Variants in ZCCHC14 observed in about 807,000 individuals in gnomAD.
The protein encoded by ZCCHC14 is zinc finger CCHC domain-containing protein 14.
In ZCCHC14, 16 loss-of-function variants were observed where a neutral mutation model predicts 85.0. The observed-to-expected ratio is 0.19, with a 90% CI of 0.13 to 0.29. The LOEUF (loss-of-function observed/expected upper bound fraction) is 0.29. ZCCHC14 is among the 10% of genes least tolerant of loss of function. The pLI is 1.00. For synonymous variants in ZCCHC14, 775 were observed against 630.7 expected (o/e 1.23, Z -3.43); for missense variants, 1,303 against 1,443.5 (o/e 0.90, Z 1.58).
intron 12 of ZCCHC14, among the ~76,000 whole-genome samples, chr16:87,410,618 G>A (rs149118455): frequency 5.3e-5 from 8 of 152,352 alleles, no homozygotes; most frequent in Admixed American, 3.9e-4. Context: ...CAGGCGGGCT[G>A]CTCTAACATG....
At chr16:87,439,924 C>T (rs771636433) in intron 2 of ZCCHC14, among the ~76,000 whole-genome samples, 63 of 152,286 alleles carry the variant, frequency 4.1e-4, no homozygotes, top group Middle Eastern at 3.4e-3. Context: ...TTAATTAAAA[C>T]GAACCAAACA....
chr16:87,480,384 C>T (rs1912214104), intron 1 of ZCCHC14, among the ~76,000 whole-genome samples: 1 of 151,818 alleles, frequency 6.6e-6, no homozygotes, highest in Admixed American at 6.6e-5. Flanking sequence ...GCCTGGGCGA[C>T]AGAGCGAGAC....
At chr16:87,419,302 A>G (rs1419122841) in intron 6 of ZCCHC14, among the ~76,000 whole-genome samples, 2 of 141,646 alleles carry the variant, frequency 1.4e-5, no homozygotes, top group Non-Finnish European at 3.1e-5. Flanking sequence ...CTAATTTTGT[A>G]TTTTTATTTT....
chr16:87,483,007 G>C (rs1343432274), intron 1 of ZCCHC14, among the ~76,000 whole-genome samples: 1 of 151,524 alleles, frequency 6.6e-6, no homozygotes, highest in African/African-American at 2.4e-5. Context: ...ACAAAACCCA[G>C]AAGCCATACC....
rs779478163 is a variant in ZCCHC14, at chr16:87,412,151, A to G, written c.2570T>C (p.Met857Thr). 6.2e-7 allele frequency: 1 copy of G among 1,614,028 alleles called. No homozygotes were observed. The highest frequency in any genetic ancestry group is 1.1e-5 in the South Asian group (1 of 91,082). ...GGCTGGGCAGCTGGGCAACGTGGCC[A>G]TGTTGGCAAAGGACGTGGAGGGGTG... ...SSHPSTSFAN[M>T]ATLPSCPAPS... is the part of the protein sequence containing the mutation. Residue 857 changes from methionine (M) to threonine (T), a missense_variant, in exon 12 of 13, where the codon ATG (methionine) becomes ACG (threonine). Met to Thr is a moderately conservative substitution (Grantham distance 81, BLOSUM62 -1). Coordinates refer to ENST00000671377, the MANE Select transcript of ZCCHC14 (RefSeq NM_015144.3).
intron 3 of ZCCHC14, among the ~76,000 whole-genome samples, chr16:87,427,516 G>C (rs1021174409): frequency 6.6e-6 from 1 of 152,080 alleles, no homozygotes; most frequent in Non-Finnish European, 1.5e-5. Flanking sequence ...GGGTTTAAGC[G>C]ATCCTTGTGC....
chr16:87,414,611 A>G, intron 9 of ZCCHC14, 70 bp from the exon 10 acceptor site: 2 of 1,533,416 alleles, frequency 1.3e-6, no homozygotes, highest in Non-Finnish European at 1.8e-6. Context: ...CGGCTTCAAG[A>G]CGGGTCTACT....
Position 87,491,451 on chromosome 16 carries a change from G to C in ZCCHC14, c.570+218C>G, listed in dbSNP as rs1051772944. Among the ~76,000 whole-genome samples, 35 of 152,224 alleles carry C rather than the reference G, an allele frequency of 2.3e-4. No homozygotes were observed. The highest frequency in any genetic ancestry group is 8.2e-4 in the African/African-American group (34 of 41,540). ...GCTTGGGATGTACGGTGGAGGCTTGGAGAGGTGGGGCACACATTTGGGGTG... is the reference window on the plus strand; with the variant it reads ...GCTTGGGATGTACGGTGGAGGCTTGCAGAGGTGGGGCACACATTTGGGGTG... On this transcript the variant is annotated intron_variant, in intron 1 of 12. Coordinates refer to ENST00000671377, the MANE Select transcript of ZCCHC14 (RefSeq NM_015144.3). The surrounding 1 kb of genome is among the most constrained non-coding windows in gnomAD (Gnocchi z 5.9).
chr16:87,451,895 A>G (rs991286049), intron 2 of ZCCHC14, among the ~76,000 whole-genome samples: 3 of 152,210 alleles, frequency 2.0e-5, no homozygotes, highest in African/African-American at 7.2e-5. Flanking sequence ...GAAATGTGAT[A>G]CTTTCTAGCT....
intron 12 of ZCCHC14, among the ~76,000 whole-genome samples, chr16:87,411,117 A>G (rs867013772): frequency 7.2e-5 from 11 of 152,216 alleles, no homozygotes; most frequent in South Asian, 4.1e-4. Flanking sequence ...GCCGGCAGGG[A>G]GGGGCAGAGG....
chr16:87,443,848 C>T (rs1384888319), intron 2 of ZCCHC14, among the ~76,000 whole-genome samples: 2 of 152,000 alleles, frequency 1.3e-5, no homozygotes, highest in Non-Finnish European at 2.9e-5. Context: ...ACCAGCCTGG[C>T]CAAAATGGGG....
At chr16:87,410,558 A>G (rs904674402) in intron 12 of ZCCHC14, among the ~76,000 whole-genome samples, 1 of 152,218 alleles carries the variant, frequency 6.6e-6, no homozygotes. Flanking sequence ...GGAAAAGTTC[A>G]CCATCTTTTT....
rs1912748513 is a variant in ZCCHC14, at chr16:87,491,274, G to C, written c.570+395C>G. On this transcript the variant is annotated intron_variant, in intron 1 of 12. Coordinates refer to ENST00000671377, the MANE Select transcript of ZCCHC14 (RefSeq NM_015144.3). The surrounding 1 kb of genome is among the most constrained non-coding windows in gnomAD (Gnocchi z 5.9). ...TGCCCAAGGGGCGCGAGGCGGAGGT[G>C]TGGAGGCTTTGGGGCACGCAGAGGG... Among the ~76,000 whole-genome samples, 1 of 152,246 alleles carries C rather than the reference G, an allele frequency of 6.6e-6. No homozygotes were observed. Among genetic ancestry groups the C allele is most frequent in the Non-Finnish European group, 1.5e-5 (1 of 68,046 alleles).
intron 1 of ZCCHC14, among the ~76,000 whole-genome samples, chr16:87,482,246 G>A (rs1912314298): frequency 6.6e-6 from 1 of 152,156 alleles, no homozygotes; most frequent in Non-Finnish European, 1.5e-5. Context: ...GAGCCTTTAG[G>A]TTTTTTGGAC....
intron 4 of ZCCHC14, among the ~76,000 whole-genome samples, chr16:87,423,506 G>T (rs903319953): frequency 1.3e-5 from 2 of 152,198 alleles, no homozygotes; most frequent in Non-Finnish European, 2.9e-5. Flanking sequence ...AGGAAACCTG[G>T]GGGACTGAAA....
chr16:87,459,978 C>A (rs139039884), intron 2 of ZCCHC14, 30 bp downstream of exon 2: 6 of 1,613,752 alleles, frequency 3.7e-6, no homozygotes, highest in Non-Finnish European at 5.1e-6. Context: ...GTCCGTCAGA[C>A]GTCCTCCTGA....
chr16:87,482,129 C>T (rs980113340), intron 1 of ZCCHC14, among the ~76,000 whole-genome samples: 9 of 152,128 alleles, frequency 5.9e-5, no homozygotes, highest in African/African-American at 2.2e-4. Context: ...GTTTCTAAGA[C>T]GCAAACTTTG....
At chr16:87,427,954 T>A (rs1392472023) in intron 3 of ZCCHC14, among the ~76,000 whole-genome samples, 1 of 151,850 alleles carries the variant, frequency 6.6e-6, no homozygotes, top group Non-Finnish European at 1.5e-5. Flanking sequence ...TTTTTTTTTT[T>A]TTTTTAAGAG....
At chr16:87,467,484 A>C in intron 1 of ZCCHC14, 6 of 1,606,636 alleles carry the variant, frequency 3.7e-6, no homozygotes, top group Non-Finnish European at 5.1e-6. Flanking sequence ...TGGAGGACAG[A>C]TGTACCACTA....
Sources: allele counts gnomAD v4.1 joint callset (sites outside exome capture counted in the v4.1 genomes callset), GRCh38; gene constraint gnomAD v4.1.1; non-coding constraint Gnocchi (gnomAD v3.1); transcripts MANE v1.5; gene names NCBI Gene and HGNC (gene_info 2026-07-23, HGNC 2026-07-21).